The following JAKMIP2 variants were observed in gnomAD, a reference collection of about 807,000 sequenced individuals.
The protein encoded by JAKMIP2 is janus kinase and microtubule-interacting protein 2.
Under a neutral mutation model 115.0 loss-of-function variants are expected in JAKMIP2, and 25 were observed. The observed-to-expected ratio is 0.22, with a 90% CI of 0.16 to 0.30. The LOEUF is 0.30. Ranked by LOEUF, JAKMIP2 falls within the 10% of genes least tolerant of loss-of-function variation. The pLI is 1.00. For synonymous variants in JAKMIP2, 334 were observed against 343.6 expected, an observed-to-expected ratio of 0.97 and a Z score of 0.31; for missense variants, 642 against 957.6, an observed-to-expected ratio of 0.67 and a Z score of 4.35.
At chr5:147,723,372 A>G (rs1699065403) in intron 1 of JAKMIP2, among the ~76,000 whole-genome samples, 1 of 152,168 alleles carries the variant, frequency 6.6e-6, no homozygotes, top group Admixed American at 6.5e-5. Context: ...GTATGATTAA[A>G]GACATTTTTC....
At chr5:147,704,055 G>A (rs1006745344) in intron 1 of JAKMIP2, among the ~76,000 whole-genome samples, 1 of 152,038 alleles carries the variant, frequency 6.6e-6, no homozygotes, top group Non-Finnish European at 1.5e-5. Flanking sequence ...GTCTTCAGGG[G>A]CAATAACATG....
chr5:147,780,762 T>A (rs1181212935), intron 1 of JAKMIP2, among the ~76,000 whole-genome samples: 3 of 152,078 alleles, frequency 2.0e-5, no homozygotes, highest in Non-Finnish European at 2.9e-5. Flanking sequence ...CAAATACATG[T>A]GAAAATTATA....
intron 1 of JAKMIP2, among the ~76,000 whole-genome samples, chr5:147,700,872 TG>T (rs1360007117): frequency 6.6e-6 from 1 of 152,178 alleles, no homozygotes; most frequent in Non-Finnish European, 1.5e-5. Flanking sequence ...TTGTTTTCAG[TG>T]GAAGCATGGA....
At chr5:147,663,623 C>G (rs997742728) in intron 2 of JAKMIP2, among the ~76,000 whole-genome samples, 1 of 152,190 alleles carries the variant, frequency 6.6e-6, no homozygotes, top group Non-Finnish European at 1.5e-5. Flanking sequence ...CCCTAATATA[C>G]AGTGTCTGAG....
At chr5:147,641,176 G>GA (rs1423971840) in intron 8 of JAKMIP2, among the ~76,000 whole-genome samples, 2 of 152,144 alleles carry the variant, frequency 1.3e-5, no homozygotes, top group African/African-American at 4.8e-5. Context: ...ATGTGATGGA[G>GA]ATGATCAAAT....
At chr5:147,669,753 T>C (rs1479538664) in intron 2 of JAKMIP2, among the ~76,000 whole-genome samples, 1 of 152,208 alleles carries the variant, frequency 6.6e-6, no homozygotes, top group Non-Finnish European at 1.5e-5. Context: ...GGATGGAATC[T>C]TACAGCGAGT....
intron 1 of JAKMIP2, among the ~76,000 whole-genome samples, chr5:147,724,608 C>G (rs908399173): frequency 6.6e-5 from 10 of 152,110 alleles, no homozygotes; most frequent in Non-Finnish European, 1.3e-4. Flanking sequence ...CACTAAATCC[C>G]TTGAGTTAAC....
chr5:147,629,164 T>C (rs1287539749), intron 15 of JAKMIP2, among the ~76,000 whole-genome samples: 1 of 152,190 alleles, frequency 6.6e-6, no homozygotes, highest in African/African-American at 2.4e-5. Context: ...TTCTCTCCTT[T>C]GATAATTTTT....
At position 147,657,701 on chromosome 5, in the gene JAKMIP2, C is replaced by T. The variant is rs550460449; in HGVS notation, c.627+3247G>A. ...TATTTCTTGGAGGCTCTGTTCATTC[C>T]TTTTCATTCTTTTTTCTCTAATCTT... On this transcript the variant is annotated intron_variant, in intron 3 of 21. Transcript: ENST00000616793. Among the ~76,000 whole-genome samples the T allele has an allele frequency of 7.0e-4, 107 of 152,084 alleles. 1 individual carries two copies. The highest frequency in any genetic ancestry group is 2.5e-3 in the African/African-American group (102 of 41,492).
intron 14 of JAKMIP2, 133 bp from the exon 15 acceptor site, chr5:147,629,879 G>A: frequency 3.1e-6 from 2 of 640,178 alleles, no homozygotes; most frequent in Non-Finnish European, 5.4e-6. Context: ...GGCACACCTA[G>A]TTTTAAGTTT....
intron 2 of JAKMIP2, among the ~76,000 whole-genome samples, chr5:147,662,357 G>T (rs986066667): frequency 2.6e-5 from 4 of 152,088 alleles, no homozygotes; most frequent in African/African-American, 9.7e-5. Context: ...ACTCCAAGTA[G>T]TTTGATAAAA....
chr5:147,720,323 T>C (rs923253604), intron 1 of JAKMIP2, among the ~76,000 whole-genome samples: 163 of 151,264 alleles, frequency 1.1e-3, no homozygotes, highest in African/African-American at 3.8e-3. Flanking sequence ...GAAAATTATG[T>C]GTCTTGGAGT....
intron 1 of JAKMIP2, among the ~76,000 whole-genome samples, chr5:147,719,561 G>T (rs1320996478): frequency 1.3e-5 from 2 of 152,138 alleles, no homozygotes; most frequent in Non-Finnish European, 2.9e-5. Context: ...ATTCAGGATA[G>T]TTAGCTCTTC....
chr5:147,658,493 G>A (rs1758789098), intron 3 of JAKMIP2, among the ~76,000 whole-genome samples: 2 of 152,324 alleles, frequency 1.3e-5, no homozygotes, highest in South Asian at 4.1e-4. Flanking sequence ...ACAGCGGTCA[G>A]GAACCCACTT....
chr5:147,738,843 G>A (rs1161704808), intron 1 of JAKMIP2, among the ~76,000 whole-genome samples: 1 of 152,138 alleles, frequency 6.6e-6, no homozygotes, highest in Admixed American at 6.5e-5. Flanking sequence ...ATGAGATCAC[G>A]AGATAATCAC....
At chr5:147,598,524 T>C (rs1755527969) in intron 21 of JAKMIP2, among the ~76,000 whole-genome samples, 1 of 152,148 alleles carries the variant, frequency 6.6e-6, no homozygotes, top group Non-Finnish European at 1.5e-5. Flanking sequence ...AGAACCTGAC[T>C]AATACATTGA....
At chr5:147,664,248 C>G (rs1759182671) in intron 2 of JAKMIP2, among the ~76,000 whole-genome samples, 1 of 152,162 alleles carries the variant, frequency 6.6e-6, no homozygotes. Context: ...TTCCCACACT[C>G]CTGGTGATAT....
chr5:147,655,500 A>C lies in JAKMIP2; in HGVS notation c.628-4953T>G, dbSNP rs77359967. Among the ~76,000 whole-genome samples the C allele has an allele frequency of 2.5e-3, 387 of 152,280 alleles. 3 individuals are homozygous for C. Among genetic ancestry groups the C allele is most frequent in the African/African-American group, 9.0e-3 (373 of 41,570 alleles). On this transcript the variant is annotated intron_variant, in intron 3 of 21. Transcript: ENST00000616793. ...AGTTTATTTGTGTAGAGGCATTTAT[A>C]GTATTCTCTGATGGTAGTTTGTACT...
At chr5:147,730,815 G>T (rs769114835) in intron 1 of JAKMIP2, among the ~76,000 whole-genome samples, 1 of 152,096 alleles carries the variant, frequency 6.6e-6, no homozygotes, top group South Asian at 2.1e-4. Context: ...TTCCCTTACC[G>T]CTGATGTTTG....
Sources: gnomAD v4.1 joint callset for allele counts (sites outside exome capture counted in the v4.1 genomes callset) on GRCh38, gnomAD v4.1.1 for gene constraint, MANE v1.5 for transcripts, NCBI Gene and HGNC (gene_info 2026-07-23, HGNC 2026-07-21) for gene names.